The following POU3F3 variants were observed in gnomAD, a reference collection of about 807,000 sequenced individuals.
The protein encoded by POU3F3 is POU class 3 homeobox 3.
A neutral mutation model predicts 8.6 loss-of-function variants in POU3F3; 1 was observed. That is an observed-to-expected ratio of 0.12 (90% CI 0.04 to 0.55). The LOEUF (loss-of-function observed/expected upper bound fraction) is 0.55. Ranked by LOEUF, POU3F3 falls within the 20% of genes least tolerant of loss-of-function variation. The pLI is 0.91. For synonymous variants in POU3F3, 418 were observed against 327.4 expected (o/e 1.28, Z -2.99); for missense variants, 577 against 690.7 (o/e 0.84, Z 1.84).
downstream of POU3F3, among the ~76,000 whole-genome samples, chr2:104,859,416 C>T (rs1266461999): frequency 6.6e-6 from 1 of 152,186 alleles, no homozygotes; most frequent in East Asian, 1.9e-4. Flanking sequence ...ACTTAAGACG[C>T]TAAAGGCTCG....
At chr2:104,919,950 C>T in the POU3F3 span, among the ~76,000 whole-genome samples, 1 of 152,122 alleles carries the variant, frequency 6.6e-6, no homozygotes, top group East Asian at 1.9e-4. Flanking sequence ...AAGCATGTAG[C>T]TTTATTTACA....
chr2:104,855,965 G>A lies in POU3F3; in HGVS notation c.455G>A (p.Gly152Asp), dbSNP rs1402836791. Residue 152 changes from glycine to aspartate, a missense_variant, in exon 1 of 1, where the codon GGC becomes GAC. Gly to Asp is a moderately conservative substitution (Grantham distance 94). Transcript: ENST00000361360. ...PPPQGPDVKG[G>D]AGRDDLHAGT... ...CCGCAGGGCCCCGACGTGAAGGGCG[G>A]CGCCGGGCGCGACGACCTGCACGCG... 2 of 1,041,560 alleles carry A rather than the reference G, an allele frequency of 1.9e-6. No homozygotes were observed. The highest frequency in any genetic ancestry group is 1.2e-6 in the Non-Finnish European group (1 of 866,888). 64.5% of individuals were successfully genotyped at this position (1,041,560 alleles called of 1,614,324 possible). A position where few individuals can be genotyped will look rare whatever the true frequency, so the allele number is the denominator to read the frequency against.
downstream of POU3F3, among the ~76,000 whole-genome samples, chr2:104,860,813 G>T (rs780688208): frequency 1.8e-5 from 2 of 110,666 alleles, no homozygotes; most frequent in African/African-American, 7.1e-5. Context: ...TCTTTGTTCC[G>T]AAGAGAACTG....
chr2:104,900,694 G>A, the POU3F3 span, among the ~76,000 whole-genome samples: 554 of 152,248 alleles, frequency 3.6e-3, 3 homozygotes, highest in African/African-American at 0.013. Context: ...ACTAGAGCCT[G>A]TCCCTTATTC....
the POU3F3 span, chr2:104,868,179 G>A: frequency 2.2e-6 from 1 of 452,434 alleles, no homozygotes; most frequent in Non-Finnish European, 4.4e-6. Flanking sequence ...GAAGGCTCCG[G>A]CGCAGCTCCT....
At chr2:104,892,210 G>T in the POU3F3 span, among the ~76,000 whole-genome samples, 1 of 152,124 alleles carries the variant, frequency 6.6e-6, no homozygotes, top group Admixed American at 6.5e-5. Context: ...CTAACTCCAT[G>T]ATTTTGTCCT....
the POU3F3 span, among the ~76,000 whole-genome samples, chr2:104,876,571 A>G: frequency 6.6e-6 from 1 of 152,038 alleles, no homozygotes; most frequent in Non-Finnish European, 1.5e-5. Flanking sequence ...CCTTTTTTAT[A>G]TTAGTCATTC....
the POU3F3 span, among the ~76,000 whole-genome samples, chr2:104,894,534 T>C: frequency 6.6e-6 from 1 of 152,082 alleles, no homozygotes; most frequent in Non-Finnish European, 1.5e-5. Context: ...CCTGCACGAG[T>C]GCTGGGTCTG....
rs1298661179 is a variant in POU3F3, at chr2:104,858,235, T to C, written c.*1222T>C. 1 of 152,236 alleles carries C rather than the reference T, an allele frequency of 6.6e-6. No individual in the cohort carries two copies. The highest frequency in any genetic ancestry group is 2.4e-5 in the African/African-American group (1 of 41,456). 9.4% of individuals were successfully genotyped at this position (152,236 alleles called of 1,614,324 possible). A position where few individuals can be genotyped will look rare whatever the true frequency, so the allele number is the denominator to read the frequency against. Reference sequence around the variant, plus strand: ...ATATAATACTGCCATTTCCAAGCAGTGTTTTTGGTAGGTTTTAATAAACAG... The same window carrying C: ...ATATAATACTGCCATTTCCAAGCAGCGTTTTTGGTAGGTTTTAATAAACAG... On this transcript the variant is annotated 3_prime_UTR_variant, in exon 1 of 1. Coordinates refer to ENST00000361360, the MANE Select transcript of POU3F3 (RefSeq NM_006236.3).
chr2:104,859,983 T>C (rs1009953013), downstream of POU3F3, among the ~76,000 whole-genome samples: 3 of 152,168 alleles, frequency 2.0e-5, no homozygotes, highest in Non-Finnish European at 2.9e-5. Context: ...AGGTTGTTTT[T>C]ATGTGGTGGA....
At position 104,855,141 on chromosome 2, in the gene POU3F3, C is replaced by A. The variant is rs911249074; in HGVS notation, c.-370C>A. On this transcript the variant is annotated 5_prime_UTR_variant, in exon 1 of 1. Transcript: ENST00000361360. ...GCCGGGGCTGGGGGGCGGCCACGAC[C>A]CCCCCTGAAGGGGGTGGCCACGGAG... 6.6e-6 allele frequency among the ~76,000 whole-genome samples: 1 copy of A among 151,632 alleles called. No individual in the cohort carries two copies. The highest frequency in any genetic ancestry group is 2.0e-4 in the East Asian group (1 of 5,122).
the POU3F3 span, among the ~76,000 whole-genome samples, chr2:104,871,971 G>A: frequency 1.3e-5 from 2 of 152,108 alleles, no homozygotes; most frequent in African/African-American, 2.4e-5. Flanking sequence ...AGAGGGAGGT[G>A]ACAAGACCTG....
the POU3F3 span, among the ~76,000 whole-genome samples, chr2:104,894,699 A>T: frequency 3.9e-5 from 6 of 152,334 alleles, no homozygotes; most frequent in African/African-American, 1.4e-4. Flanking sequence ...CTTTACCAAG[A>T]TCTTTGCTAT....
the POU3F3 span, among the ~76,000 whole-genome samples, chr2:104,863,834 G>C: frequency 2.6e-5 from 4 of 152,224 alleles, no homozygotes; most frequent in Admixed American, 2.6e-4. Context: ...AAGTCAGAGC[G>C]GAACAGCCTA....
At chr2:104,868,212 G>C in the POU3F3 span, 1 of 455,680 alleles carries the variant, frequency 2.2e-6, no homozygotes, top group South Asian at 1.6e-5. Context: ...GAGTTGGTGG[G>C]AGAGGCGCTG....
chr2:104,907,166 G>A, the POU3F3 span, among the ~76,000 whole-genome samples: 3 of 151,952 alleles, frequency 2.0e-5, no homozygotes, highest in African/African-American at 4.8e-5. Flanking sequence ...CTCTTTCCCC[G>A]TTCCGTTTGT....
the POU3F3 span, among the ~76,000 whole-genome samples, chr2:104,863,903 G>C: frequency 2.3e-3 from 353 of 152,362 alleles, 3 homozygotes; most frequent in African/African-American, 8.1e-3. Context: ...CTGGGACTGC[G>C]GAGTGGAGGC....
At chr2:104,887,361 G>T in the POU3F3 span, among the ~76,000 whole-genome samples, 1 of 152,202 alleles carries the variant, frequency 6.6e-6, no homozygotes, top group Non-Finnish European at 1.5e-5. Context: ...ACTCAAGATG[G>T]AGTTGTTCTG....
the POU3F3 span, among the ~76,000 whole-genome samples, chr2:104,911,395 A>G: frequency 4.0e-5 from 6 of 149,720 alleles, no homozygotes; most frequent in African/African-American, 1.5e-4. Context: ...AGCCTGGGCG[A>G]CAGAGCGAGA....
Sources: gnomAD v4.1 joint callset for allele counts (sites outside exome capture counted in the v4.1 genomes callset) on GRCh38, gnomAD v4.1.1 for gene constraint, MANE v1.5 for transcripts, NCBI Gene and HGNC (gene_info 2026-07-23, HGNC 2026-07-21) for gene names.